The following FRMPD2 variants were observed in gnomAD, a reference collection of about 807,000 sequenced individuals.
FRMPD2 encodes FERM and PDZ domain containing 2, also known as FERM and PDZ domain-containing protein 2.
FRMPD2 carries 96 observed loss-of-function variants against 140.1 expected under a neutral mutation model. The ratio of observed to expected loss-of-function variants is 0.69; its 90% confidence interval spans 0.58 to 0.81. FRMPD2 has a LOEUF of 0.81. FRMPD2 is among the 40% of genes least tolerant of loss of function. The pLI is 0.00. For missense variants in FRMPD2, 1,240 were observed against 1,447.4 expected, an observed-to-expected ratio of 0.86 and a Z score of 2.32; for synonymous variants, 449 against 547.6, an observed-to-expected ratio of 0.82 and a Z score of 2.52.
chr10:48,159,499 C>T (rs183759836), intron 28 of FRMPD2, among the ~76,000 whole-genome samples: 2,421 of 151,768 alleles, frequency 0.016, 54 homozygotes, highest in African/African-American at 0.054. Context: ...GCAGGCATGA[C>T]ATCTCCCTCA....
intron 24 of FRMPD2, 89 bp from the exon 25 acceptor site, chr10:48,173,182 G>A (rs1343622779): frequency 1.5e-5 from 8 of 547,722 alleles, no homozygotes; most frequent in Admixed American, 1.3e-4. Flanking sequence ...CTTAATTTTC[G>A]AATCCTTCCT....
intron 9 of FRMPD2, among the ~76,000 whole-genome samples, chr10:48,235,615 C>T (rs111642091): frequency 3.3e-5 from 5 of 152,322 alleles, no homozygotes; most frequent in African/African-American, 1.2e-4. Flanking sequence ...ATGCCCCACT[C>T]AAGCCCTGCC....
intron 10 of FRMPD2, among the ~76,000 whole-genome samples, chr10:48,227,881 G>A (rs776086456): frequency 2.9e-4 from 44 of 152,012 alleles, no homozygotes; most frequent in Non-Finnish European, 8.8e-5. Flanking sequence ...TAAGTTTTTT[G>A]GTTCAATTAA....
chr10:48,176,074 G>A, intron 22 of FRMPD2, 135 bp from the exon 23 acceptor site: 1 of 653,184 alleles, frequency 1.5e-6, no homozygotes, highest in South Asian at 1.8e-5. Context: ...ACTGTCTTCT[G>A]TATTCACCTG....
intron 20 of FRMPD2, among the ~76,000 whole-genome samples, chr10:48,183,455 T>C: frequency 6.6e-6 from 1 of 152,196 alleles, no homozygotes; most frequent in South Asian, 2.1e-4. Flanking sequence ...CTCATTCTTA[T>C]CTAAAGGATG....
At chr10:48,214,587 A>T (rs1839403874) in intron 12 of FRMPD2, among the ~76,000 whole-genome samples, 1 of 152,222 alleles carries the variant, frequency 6.6e-6, no homozygotes, top group Non-Finnish European at 1.5e-5. Flanking sequence ...TGAATCTAAA[A>T]ATTCTCCAAA....
chr10:48,190,568 G>A (rs116092396), intron 16 of FRMPD2, among the ~76,000 whole-genome samples: 173 of 152,166 alleles, frequency 1.1e-3, no homozygotes, highest in African/African-American at 3.8e-3. Context: ...AAACATACCC[G>A]CACCCAAACC....
intron 15 of FRMPD2, among the ~76,000 whole-genome samples, chr10:48,195,279 C>A (rs1160557903): frequency 6.6e-6 from 1 of 152,218 alleles, no homozygotes; most frequent in Non-Finnish European, 1.5e-5. Context: ...CAGATCCTGC[C>A]TATTTAGTCC....
chr10:48,201,919 T>C (rs1462647926), intron 14 of FRMPD2, among the ~76,000 whole-genome samples: 2 of 148,682 alleles, frequency 1.3e-5, no homozygotes, highest in Non-Finnish European at 3.0e-5. Context: ...CTATCAGTAT[T>C]TTTATTCTAC....
intron 17 of FRMPD2, 23 bp from the exon 18 acceptor site, chr10:48,185,668 A>T: frequency 6.3e-7 from 1 of 1,579,314 alleles, no homozygotes; most frequent in Non-Finnish European, 8.7e-7. Flanking sequence ...TCAGAGCACC[A>T]CATTGTGCTT....
intron 17 of FRMPD2, among the ~76,000 whole-genome samples, chr10:48,186,624 C>T (rs891628516): frequency 4.6e-5 from 7 of 152,228 alleles, no homozygotes; most frequent in Admixed American, 4.6e-4. Flanking sequence ...CCTCCCCAGC[C>T]ATGTGGAACT....
At chr10:48,254,570 G>A (rs1840451950) in intron 1 of FRMPD2, among the ~76,000 whole-genome samples, 1 of 152,262 alleles carries the variant, frequency 6.6e-6, no homozygotes, top group African/African-American at 2.4e-5. Context: ...TGTTATCTCT[G>A]TGTGATATTG....
intron 1 of FRMPD2, among the ~76,000 whole-genome samples, chr10:48,266,807 G>A (rs527738747): frequency 5.3e-5 from 8 of 152,192 alleles, no homozygotes; most frequent in African/African-American, 1.7e-4. Context: ...GCCTCCCCAC[G>A]GGGGTGGTGC....
intron 13 of FRMPD2, among the ~76,000 whole-genome samples, chr10:48,208,988 T>C (rs1393536773): frequency 1.3e-5 from 2 of 152,232 alleles, no homozygotes; most frequent in Non-Finnish European, 2.9e-5. Context: ...TGTGGGTATC[T>C]ACCCTAAGAA....
At chr10:48,218,356 G>A (rs1180430325) in intron 12 of FRMPD2, among the ~76,000 whole-genome samples, 1 of 152,138 alleles carries the variant, frequency 6.6e-6, no homozygotes, top group Admixed American at 6.5e-5. Context: ...GGTAAACATG[G>A]CTCCTTTATT....
In FRMPD2 at chr10:48,249,058, T is replaced by C. The variant is rs765793935; in HGVS notation, c.272A>G (p.Gln91Arg). ...AAPFKAPELL[Q>R]GQSEDEQPDA... Reference sequence around the variant, plus strand: ...AGGCTGCTCATCCTCACTCTGTCCCTGTAGCAGTTCAGGGGCCTTGAAAGG... The same window carrying C: ...AGGCTGCTCATCCTCACTCTGTCCCCGTAGCAGTTCAGGGGCCTTGAAAGG... The change falls in exon 3 of 29, where the codon CAG becomes CGG. Residue 91 changes from glutamine (Q) to arginine (R), a missense_variant. This residue lies in a region of FRMPD2 where 1,161 missense variants were observed against 1,055.9 expected (regional missense o/e 1.10). Transcript: ENST00000374201. The C allele has an allele frequency of 5.6e-6, 9 of 1,613,666 alleles. No homozygotes were observed. The Admixed American group carries it at 1.0e-4, about 18-fold the overall frequency.
At chr10:48,201,578 T>C (rs1041634675) in intron 14 of FRMPD2, 194 bp from the exon 15 acceptor site, 17 of 497,554 alleles carry the variant, frequency 3.4e-5, no homozygotes, top group Middle Eastern at 5.1e-4. Context: ...AGTTTTTCCT[T>C]CATTCATCAA....
chr10:48,252,067 CCTT>C (rs1248027614), intron 1 of FRMPD2, among the ~76,000 whole-genome samples: 4 of 152,200 alleles, frequency 2.6e-5, no homozygotes, highest in South Asian at 2.1e-4. Context: ...GGCCTCCTCT[CCTT>C]CTCTCTCTGG....
chr10:48,238,148 A>G, intron 7 of FRMPD2, 25 bp from the exon 8 acceptor site: 1 of 1,601,916 alleles, frequency 6.2e-7, no homozygotes, highest in Non-Finnish European at 8.5e-7. Context: ...AGAAGGGGTG[A>G]AGCACTTAGC....
Sources: gnomAD v4.1 joint callset for allele counts (sites outside exome capture counted in the v4.1 genomes callset) on GRCh38, gnomAD v4.1.1 for gene constraint, gnomAD v4.1.1 regional missense constraint, MANE v1.5 for transcripts, NCBI Gene and HGNC (gene_info 2026-07-23, HGNC 2026-07-21) for gene names.